The following POTEJ variants were observed in gnomAD, a reference collection of about 807,000 sequenced individuals.
The protein encoded by POTEJ is POTE ankyrin domain family member J.
POTEJ carries 11 observed loss-of-function variants against 69.0 expected under a neutral mutation model. That is an observed-to-expected ratio of 0.16 (90% CI 0.10 to 0.26). The LOEUF is 0.26. POTEJ is among the 10% of genes least tolerant of loss of function. The probability of loss-of-function intolerance (pLI) is 1.00; values close to 1 mark genes in which losing one functional copy is unlikely to be tolerated. For missense variants in POTEJ, 327 were observed against 1,045.5 expected (o/e 0.31, Z 9.48); for synonymous variants, 117 against 381.1 (o/e 0.31, Z 8.07).
chr2:130,636,739 G>A (rs1190581757), intron 9 of POTEJ, among the ~76,000 whole-genome samples: 3 of 147,970 alleles, frequency 2.0e-5, no homozygotes, highest in African/African-American at 7.4e-5. Flanking sequence ...ATAAATACTT[G>A]TTAAATAAGT....
rs750203790 is a variant in POTEJ, at chr2:130,656,786, G to T, written c.2026G>T (p.Gly676Cys). 1.1e-5 allele frequency: 17 copies of T among 1,609,992 alleles called. No homozygotes were observed. The African/African-American group carries it at 2.1e-4, about 20-fold the overall frequency. Residue 676 changes from glycine to cysteine, a missense_variant, in exon 15 of 15, where the codon GGC (glycine) becomes TGC (cysteine). Physicochemically the swap from Gly to Cys is radical, Grantham distance 159. Transcript: ENST00000409602. ...TACCGCTGTGCTCGTCATTGACAACGGCTCTGGCATGTGCAAGGCCGGCTT... is the reference window on the plus strand; with the variant it reads ...TACCGCTGTGCTCGTCATTGACAACTGCTCTGGCATGTGCAAGGCCGGCTT... ...DDTAVLVIDNGSGMCKAGFAG... is the reference protein window; with the variant it reads ...DDTAVLVIDNCSGMCKAGFAG...
intron 6 of POTEJ, among the ~76,000 whole-genome samples, chr2:130,626,921 T>C (rs1208969193): frequency 6.6e-6 from 1 of 152,156 alleles, no homozygotes; most frequent in East Asian, 1.9e-4. Context: ...TTTTTTTAAA[T>C]AAAAGCCATT....
chr2:130,647,498 G>GCAA (rs1388970523), intron 13 of POTEJ, among the ~76,000 whole-genome samples: 1 of 152,234 alleles, frequency 6.6e-6, no homozygotes, highest in Non-Finnish European at 1.5e-5. Context: ...GAGTTGGCCA[G>GCAA]CTTTTTCTGC....
At chr2:130,613,290 A>ATATATATACATATGTATATATACG (rs1685292667) in intron 1 of POTEJ, among the ~76,000 whole-genome samples, 1 of 98,610 alleles carries the variant, frequency 1.0e-5, no homozygotes, top group Non-Finnish European at 2.2e-5. Context: ...GTATATATAC[A>ATATATATACATATGTATATATACG]TATATATACA....
intron 9 of POTEJ, among the ~76,000 whole-genome samples, chr2:130,633,999 CT>C (rs1460143923): frequency 6.6e-6 from 1 of 151,132 alleles, no homozygotes; most frequent in East Asian, 1.9e-4. Flanking sequence ...GCAGTCTTGA[CT>C]TTCTGAGCTC....
intron 10 of POTEJ, among the ~76,000 whole-genome samples, chr2:130,642,019 G>A (rs1489367533): frequency 7.9e-5 from 12 of 151,426 alleles, no homozygotes; most frequent in African/African-American, 2.7e-4. Context: ...AAAAGAAAGA[G>A]CAAGGAGCGT....
intron 14 of POTEJ, among the ~76,000 whole-genome samples, chr2:130,655,861 T>G (rs1464494368): frequency 3.2e-5 from 4 of 126,790 alleles, no homozygotes; most frequent in African/African-American, 9.8e-5. Context: ...TCTGTGTATA[T>G]TTTTTGACCT....
chr2:130,642,170 G>T (rs1264663289), intron 10 of POTEJ, among the ~76,000 whole-genome samples: 1 of 146,810 alleles, frequency 6.8e-6, no homozygotes, highest in Non-Finnish European at 1.5e-5. Flanking sequence ...GAATTTTTTA[G>T]CAGGACATAA....
chr2:130,618,533 G>A (rs1188732612), intron 3 of POTEJ, among the ~76,000 whole-genome samples: 3 of 148,096 alleles, frequency 2.0e-5, no homozygotes, highest in Non-Finnish European at 4.4e-5. Context: ...GAGCTCAGGA[G>A]TTCGAGTCTA....
chr2:130,625,492 C>T (rs1212142103), intron 6 of POTEJ, among the ~76,000 whole-genome samples: 2 of 151,848 alleles, frequency 1.3e-5, no homozygotes, highest in Non-Finnish European at 2.9e-5. Flanking sequence ...ATGTGCCAGA[C>T]ATATGAGGAA....
At chr2:130,626,843 T>C (rs1267041758) in intron 6 of POTEJ, among the ~76,000 whole-genome samples, 1 of 152,196 alleles carries the variant, frequency 6.6e-6, no homozygotes, top group Non-Finnish European at 1.5e-5. Context: ...TTTTTGGTGT[T>C]ATGCTTTTTT....
chr2:130,613,304 G>C lies in POTEJ; in HGVS notation c.410+1362G>C, dbSNP rs62164890. On this transcript the variant is annotated intron_variant, in intron 1 of 14. Transcript: ENST00000409602. ...TGTATATATACATATATATACATATGTATATATACATATATATACATATGT... is the reference window on the plus strand; with the variant it reads ...TGTATATATACATATATATACATATCTATATATACATATATATACATATGT... Among the ~76,000 whole-genome samples the C allele has an allele frequency of 4.6e-5, 4 of 87,426 alleles. 1 individual carries two copies. The South Asian group carries it at 1.3e-3, about 29-fold the overall frequency. 57.4% of individuals were successfully genotyped at this position (87,426 alleles called of 152,430 possible).
At chr2:130,645,653 A>T in intron 11 of POTEJ, 84 bp from the exon 12 acceptor site, 1 of 290,554 alleles carries the variant, frequency 3.4e-6, no homozygotes, top group Non-Finnish European at 7.0e-6. Context: ...TCAGAATAAA[A>T]TTATTTTAAA....
At chr2:130,643,518 T>TAA (rs200363139) in intron 10 of POTEJ, among the ~76,000 whole-genome samples, 2 of 123,744 alleles carry the variant, frequency 1.6e-5, no homozygotes, top group Non-Finnish European at 1.8e-5. Context: ...CCTGACTCAT[T>TAA]AAAAAAAAAA....
intron 6 of POTEJ, among the ~76,000 whole-genome samples, chr2:130,626,542 T>C (rs1255922746): frequency 6.6e-6 from 1 of 151,936 alleles, no homozygotes; most frequent in Non-Finnish European, 1.5e-5. Flanking sequence ...AAAGCCACCA[T>C]GATTATATGT....
chr2:130,650,383 G>A (rs1258784007), intron 13 of POTEJ, among the ~76,000 whole-genome samples: 2,681 of 146,736 alleles, frequency 0.018, 5 homozygotes, highest in African/African-American at 0.069. Context: ...GTATTTTGCC[G>A]TATCTGTCTG....
At chr2:130,627,249 C>T (rs1443861847) in intron 6 of POTEJ, among the ~76,000 whole-genome samples, 2 of 151,408 alleles carry the variant, frequency 1.3e-5, no homozygotes, top group South Asian at 2.1e-4. Flanking sequence ...ATTTATAACT[C>T]GCATCCTACT....
intron 6 of POTEJ, among the ~76,000 whole-genome samples, chr2:130,627,314 G>A (rs1295176843): frequency 1.3e-5 from 2 of 150,534 alleles, no homozygotes; most frequent in African/African-American, 2.5e-5. Context: ...GAAAGTTGAT[G>A]ATAAATGTCC....
chr2:130,612,948 GTTAT>G (rs1685266565), intron 1 of POTEJ, among the ~76,000 whole-genome samples: 2 of 134,552 alleles, frequency 1.5e-5, no homozygotes, highest in African/African-American at 5.6e-5. Context: ...ATGTGCATGT[GTTAT>G]TTATTTCCAC....
Sources: allele counts gnomAD v4.1 joint callset (sites outside exome capture counted in the v4.1 genomes callset), GRCh38; gene constraint gnomAD v4.1.1; transcripts MANE v1.5; gene names NCBI Gene and HGNC (gene_info 2026-07-23, HGNC 2026-07-21).